Variants in MYOM1 observed in about 807,000 individuals in gnomAD.
The protein encoded by MYOM1 is myomesin-1.
In MYOM1, 164 loss-of-function variants were observed where a neutral mutation model predicts 205.3. The observed-to-expected ratio is 0.80, with a 90% CI of 0.70 to 0.91. The LOEUF is 0.91. Ranked by LOEUF, MYOM1 falls within the 40% of genes least tolerant of loss-of-function variation. MYOM1 has a pLI of 0.00. For missense variants in MYOM1, 2,011 were observed against 2,127.3 expected, an observed-to-expected ratio of 0.95 and a Z score of 1.08; for synonymous variants, 772 against 789.4, an observed-to-expected ratio of 0.98 and a Z score of 0.37.
chr18:3,075,330 A>G, intron 36 of MYOM1, 124 bp downstream of exon 36: 1 of 883,458 alleles, frequency 1.1e-6, no homozygotes, highest in Non-Finnish European at 1.8e-6. Context: ...TAGAACACCT[A>G]AGATTTAAAA....
At chr18:3,182,083 T>C (rs1251454988) in intron 5 of MYOM1, among the ~76,000 whole-genome samples, 2 of 152,162 alleles carry the variant, frequency 1.3e-5, no homozygotes, top group African/African-American at 4.8e-5. Context: ...CTTGAGGATC[T>C]AGTCCAGTGT....
At chr18:3,125,682 C>T (rs1465336027) in intron 19 of MYOM1, among the ~76,000 whole-genome samples, 1 of 152,136 alleles carries the variant, frequency 6.6e-6, no homozygotes, top group Non-Finnish European at 1.5e-5. Context: ...TCATCCCTGG[C>T]CTCACCCTGC....
At chr18:3,072,341 C>T (rs932096567) in intron 36 of MYOM1, among the ~76,000 whole-genome samples, 15 of 92,850 alleles carry the variant, frequency 1.6e-4, no homozygotes, top group Middle Eastern at 6.6e-3. Context: ...CGTGAGCCAC[C>T]GCACCCGGCT....
At chr18:3,094,490 T>C (rs1187012885) in intron 25 of MYOM1, among the ~76,000 whole-genome samples, 184 bp from the exon 26 acceptor site, 1 of 152,024 alleles carries the variant, frequency 6.6e-6, no homozygotes, top group Non-Finnish European at 1.5e-5. Flanking sequence ...ACAGAGGGAC[T>C]CAGCTCTGAT....
At chr18:3,213,039 G>A (rs1431865371) in intron 2 of MYOM1, among the ~76,000 whole-genome samples, 1 of 152,196 alleles carries the variant, frequency 6.6e-6, no homozygotes, top group Non-Finnish European at 1.5e-5. Flanking sequence ...AACCCCAGCA[G>A]AGTCTGGCTC....
intron 13 of MYOM1, among the ~76,000 whole-genome samples, chr18:3,143,900 CAAAA>C (rs55830599): frequency 2.0e-5 from 1 of 49,362 alleles, no homozygotes; most frequent in Non-Finnish European, 3.5e-5. Context: ...GACCCTGTCT[CAAAA>C]AAAAAAAAAA....
At chr18:3,181,865 C>T (rs952839579) in intron 5 of MYOM1, among the ~76,000 whole-genome samples, 4 of 151,594 alleles carry the variant, frequency 2.6e-5, no homozygotes, top group Admixed American at 2.6e-4. Context: ...TCCTGTGTAG[C>T]TGGTACTACA....
chr18:3,244,357 C>T, the MYOM1 span, among the ~76,000 whole-genome samples: 1 of 152,154 alleles, frequency 6.6e-6, no homozygotes, highest in African/African-American at 2.4e-5. Context: ...TGTGTGTCCC[C>T]TCCCTGCCAA....
Position 3,201,379 on chromosome 18 carries a change from C to T in MYOM1, c.291-7421G>A, listed in dbSNP as rs1048702322. ...GTGCCACACTGCACTCCAGCCCTGGCGACAGAGTGAGACTCCGTCTCAAAA... is the reference window on the plus strand; with the variant it reads ...GTGCCACACTGCACTCCAGCCCTGGTGACAGAGTGAGACTCCGTCTCAAAA... On this transcript the variant is annotated intron_variant, in intron 2 of 37. Transcript: ENST00000356443. Among the ~76,000 whole-genome samples the T allele has an allele frequency of 1.0e-4, 15 of 150,444 alleles. No homozygotes were observed. The East Asian group carries it at 1.2e-3, about 12-fold the overall frequency.
chr18:3,069,158 A>G (rs1007525784), intron 37 of MYOM1, among the ~76,000 whole-genome samples: 1 of 152,188 alleles, frequency 6.6e-6, no homozygotes. Context: ...CCACCAGAAT[A>G]TACAAGTGAT....
At chr18:3,100,479 C>A in intron 23 of MYOM1, 53 bp from the exon 24 acceptor site, 1 of 1,328,436 alleles carries the variant, frequency 7.5e-7, no homozygotes, top group East Asian at 2.4e-5. Flanking sequence ...ATCTGTGGGC[C>A]TGTGTTTCCC....
the MYOM1 span, among the ~76,000 whole-genome samples, chr18:3,233,700 G>A: frequency 5.3e-5 from 8 of 152,244 alleles, no homozygotes; most frequent in South Asian, 2.1e-4. Context: ...AACTGTCCAC[G>A]GATTCATCTA....
intron 35 of MYOM1, 81 bp from the exon 36 acceptor site, chr18:3,075,557 TC>T: frequency 2.0e-6 from 3 of 1,497,402 alleles, no homozygotes; most frequent in Non-Finnish European, 2.8e-6. Flanking sequence ...GACGACATTT[TC>T]CTTGCCTCAG....
chr18:3,079,696 A>G (rs182360976), intron 33 of MYOM1, among the ~76,000 whole-genome samples: 1 of 152,292 alleles, frequency 6.6e-6, no homozygotes, highest in East Asian at 1.9e-4. Context: ...GCCAAACTAC[A>G]TACTATTTTA....
At chr18:3,086,408 G>A (rs1268525844) in intron 29 of MYOM1, among the ~76,000 whole-genome samples, 1 of 147,570 alleles carries the variant, frequency 6.8e-6, no homozygotes, top group Non-Finnish European at 1.5e-5. Context: ...TCATGTGGTA[G>A]GAAAGAAAAG....
chr18:3,167,240 T>C (rs1311741057), intron 9 of MYOM1, among the ~76,000 whole-genome samples: 2 of 152,194 alleles, frequency 1.3e-5, no homozygotes, highest in African/African-American at 4.8e-5. Flanking sequence ...AGGTCTCCCG[T>C]GGCAAGGATT....
intron 5 of MYOM1, among the ~76,000 whole-genome samples, chr18:3,182,436 T>C (rs751349413): frequency 8.5e-5 from 13 of 152,208 alleles, no homozygotes; most frequent in Non-Finnish European, 1.5e-4. Flanking sequence ...AGTATTATAA[T>C]AATAATAAAA....
At chr18:3,190,380 G>A (rs2080887027) in intron 3 of MYOM1, 1 of 152,128 alleles carries the variant, frequency 6.6e-6, no homozygotes, top group South Asian at 2.1e-4. Flanking sequence ...CATTGTGTTA[G>A]CAAGTTCCTA....
chr18:3,188,664 T>C (rs1458892707), intron 4 of MYOM1, 84 bp downstream of exon 4: 1 of 1,243,582 alleles, frequency 8.0e-7, no homozygotes, highest in African/African-American at 2.0e-5. Flanking sequence ...TCAATCTATA[T>C]CTACACACAC....
Sources: gnomAD v4.1 joint callset for allele counts (sites outside exome capture counted in the v4.1 genomes callset) on GRCh38, gnomAD v4.1.1 for gene constraint, MANE v1.5 for transcripts, NCBI Gene and HGNC (gene_info 2026-07-23, HGNC 2026-07-21) for gene names.